The following PRLR variants were observed in gnomAD, a reference collection of about 807,000 sequenced individuals.
PRLR encodes the protein hPRL receptor.
PRLR carries 13 observed loss-of-function variants against 40.2 expected under a neutral mutation model. The ratio of observed to expected loss-of-function variants is 0.32; its 90% confidence interval spans 0.21 to 0.51. The LOEUF is 0.51. PRLR is among the 20% of genes least tolerant of loss of function. The pLI, the probability that PRLR is intolerant of heterozygous loss-of-function variation, is 0.97. For synonymous variants in PRLR, 269 were observed against 278.7 expected (o/e 0.97, Z 0.35); for missense variants, 656 against 747.3 (o/e 0.88, Z 1.42).
rs1168963128 is a variant in PRLR, at chr5:35,065,247, A to G, written c.1711T>C (p.Cys571Arg). 6.2e-6 allele frequency: 10 copies of G among 1,614,036 alleles called. No individual in the cohort carries two copies. Among genetic ancestry groups the G allele is most frequent in the Non-Finnish European group, 8.5e-6 (10 of 1,180,040 alleles). Residue 571 changes from cysteine (C) to arginine (R), a missense_variant, in exon 10 of 10, where the codon TGC becomes CGC. Cys to Arg is a radical substitution (Grantham distance 180). Coordinates refer to ENST00000618457, the MANE Select transcript of PRLR (RefSeq NM_000949.7). ...VPDPHAKNVA[C>R]FEESAKEAPP... ...GCCTCTTTGGCTGATTCTTCAAAGC[A>G]AGCCACGTTTTTAGCATGTGGATCT...
chr5:35,131,686 T>C (rs1035646358), intron 1 of PRLR, among the ~76,000 whole-genome samples: 3 of 147,952 alleles, frequency 2.0e-5, no homozygotes, highest in Non-Finnish European at 4.4e-5. Context: ...ATTCCTTAGC[T>C]TGGAACTCTG....
At position 35,065,116 on chromosome 5, in the gene PRLR, G is replaced by A. The variant is rs748105399; in HGVS notation, c.1842C>T (p.Pro614=). 1.4e-5 allele frequency: 23 copies of A among 1,612,856 alleles called. No homozygotes were observed. The highest frequency in any genetic ancestry group is 6.7e-5 in the African/African-American group (5 of 74,876). Residue 614 remains proline, a synonymous_variant, in exon 10 of 10, where the codon CCC becomes CCT. Transcript: ENST00000618457. ...LQLGGLDYLD[P]ACFTHSFH ...AGTGAAAGGAGTGTGTAAAACATGC[G>A]GGATCCAGGTAATCCAAACCACCCA...
rs1156720535 is a variant in PRLR at position 35,061,385 on chromosome 5, G to C, written c.*3704C>G. The C allele has an allele frequency of 6.6e-6, 1 of 152,138 alleles. No homozygotes were observed. The highest frequency in any genetic ancestry group is 1.9e-4 in the East Asian group (1 of 5,188). The allele number at this position is 152,138 out of a possible 1,614,324, so 9.4% of individuals were successfully genotyped here. ...GAGCTAAACTGCAACTTGGAATGCA[G>C]GGACCTCTGGTTGCTCAATAACTCA... On this transcript the variant is annotated 3_prime_UTR_variant, in exon 10 of 10. Coordinates refer to ENST00000618457, the MANE Select transcript of PRLR (RefSeq NM_000949.7).
chr5:35,214,822 A>G (rs1776247622), intron 1 of PRLR, among the ~76,000 whole-genome samples: 1 of 152,318 alleles, frequency 6.6e-6, no homozygotes, highest in South Asian at 2.1e-4. Context: ...ACTAATGACC[A>G]TCTCTCTTTT....
At chr5:35,217,958 T>C (rs539100699) in intron 1 of PRLR, among the ~76,000 whole-genome samples, 1 of 152,326 alleles carries the variant, frequency 6.6e-6, no homozygotes, top group South Asian at 2.1e-4. Flanking sequence ...ATATTCACCC[T>C]TACTTTCTGC....
intron 2 of PRLR, among the ~76,000 whole-genome samples, chr5:35,100,183 CAAA>C (rs35912961): frequency 3.1e-5 from 2 of 65,036 alleles, no homozygotes; most frequent in African/African-American, 4.5e-5. Context: ...GACTCTGTCT[CAAA>C]AAAAAAAAAA....
chr5:35,091,905 TC>T (rs1323126140), intron 2 of PRLR, among the ~76,000 whole-genome samples: 2 of 152,190 alleles, frequency 1.3e-5, no homozygotes, highest in Non-Finnish European at 2.9e-5. Context: ...TATTGAGACT[TC>T]CTTTCTCTTT....
chr5:35,083,436 CTT>C (rs1233831277), intron 5 of PRLR, among the ~76,000 whole-genome samples: 2 of 138,126 alleles, frequency 1.4e-5, no homozygotes, highest in South Asian at 4.4e-4. Context: ...CTCTCTCTCT[CTT>C]CCTCTCTCTC....
Position 35,183,729 on chromosome 5 carries a change from G to A in PRLR, c.-106+46539C>T, listed in dbSNP as rs113722563. ...TGGTCCTGTTAGATCATTTGTGGTT[G>A]GCTGCAGATGCACATGTGGGCATGT... On this transcript the variant is annotated intron_variant, in intron 1 of 9. Coordinates refer to ENST00000618457, the MANE Select transcript of PRLR (RefSeq NM_000949.7). 9.9e-3 allele frequency among the ~76,000 whole-genome samples: 1,502 copies of A among 152,316 alleles called. 7 individuals carry two copies. The highest frequency in any genetic ancestry group is 0.015 in the Non-Finnish European group (1,006 of 68,020).
intron 1 of PRLR, among the ~76,000 whole-genome samples, chr5:35,184,768 T>G (rs1775380776): frequency 6.6e-6 from 1 of 152,232 alleles, no homozygotes; most frequent in African/African-American, 2.4e-5. Context: ...GGTAGACTTC[T>G]AAGCATTTTA....
At chr5:35,107,272 C>T (rs181755690) in intron 2 of PRLR, among the ~76,000 whole-genome samples, 1 of 152,146 alleles carries the variant, frequency 6.6e-6, no homozygotes, top group Admixed American at 6.5e-5. Flanking sequence ...CAAGAGAAAG[C>T]AGGAAAGATC....
chr5:35,102,545 C>A (rs1049626156), intron 2 of PRLR, among the ~76,000 whole-genome samples: 7 of 140,888 alleles, frequency 5.0e-5, no homozygotes, highest in Non-Finnish European at 6.2e-5. Flanking sequence ...CCTCTCCTCT[C>A]TTTTCTTTTC....
At chr5:35,130,457 C>T (rs1773632328) in intron 1 of PRLR, 1 of 152,170 alleles carries the variant, frequency 6.6e-6, no homozygotes, top group Admixed American at 6.5e-5. Flanking sequence ...CCAGCATCTG[C>T]TCACCTGGCT....
intron 7 of PRLR, 86 bp downstream of exon 7, chr5:35,070,038 G>A (rs1769644847): frequency 6.9e-7 from 1 of 1,439,850 alleles, no homozygotes; most frequent in South Asian, 1.4e-5. Flanking sequence ...GGCTCAAAAT[G>A]GTTTCTCTAT....
At chr5:35,218,441 C>A (rs1019074403) in intron 1 of PRLR, among the ~76,000 whole-genome samples, 9 of 152,108 alleles carry the variant, frequency 5.9e-5, no homozygotes, top group Non-Finnish European at 1.2e-4. Context: ...GAAGACAAAT[C>A]ATCACAATTA....
intron 1 of PRLR, among the ~76,000 whole-genome samples, chr5:35,180,108 CAT>C (rs1775255221): frequency 6.6e-6 from 1 of 152,196 alleles, no homozygotes; most frequent in Non-Finnish European, 1.5e-5. Context: ...AGATCCCTCA[CAT>C]GTGCAGTTCA....
chr5:35,076,058 A>G (rs1293347867), intron 5 of PRLR, among the ~76,000 whole-genome samples: 3 of 152,328 alleles, frequency 2.0e-5, no homozygotes, highest in Non-Finnish European at 4.4e-5. Context: ...ATCAAAGACC[A>G]AAGGTAGATA....
intron 2 of PRLR, among the ~76,000 whole-genome samples, chr5:35,090,136 T>C (rs1771109636): frequency 6.6e-6 from 1 of 152,078 alleles, no homozygotes; most frequent in South Asian, 2.1e-4. Flanking sequence ...TCCACCAAAT[T>C]AGGGAGGCTT....
intron 1 of PRLR, among the ~76,000 whole-genome samples, chr5:35,126,539 G>A (rs1340670840): frequency 2.6e-5 from 4 of 152,074 alleles, no homozygotes; most frequent in African/African-American, 7.2e-5. Context: ...TGGCCCACCC[G>A]ATTCATTACA....
Sources: allele counts gnomAD v4.1 joint callset (sites outside exome capture counted in the v4.1 genomes callset), GRCh38; gene constraint gnomAD v4.1.1; transcripts MANE v1.5; gene names NCBI Gene and HGNC (gene_info 2026-07-23, HGNC 2026-07-21).